Variants in EYS observed in about 807,000 individuals in gnomAD.
The protein encoded by EYS is protein eyes shut homolog.
In EYS, 250 loss-of-function variants were observed where a neutral mutation model predicts 282.1. That is an observed-to-expected ratio of 0.89 (90% confidence interval 0.80 to 0.98). The LOEUF is 0.98. Among genes scored for constraint, EYS ranks in the 50% least tolerant of loss-of-function variants. EYS has a pLI of 0.00. For missense variants in EYS, 4,016 were observed against 3,709.0 expected, an observed-to-expected ratio of 1.08 and a Z score of -2.15; for synonymous variants, 1,355 against 1,282.9, an observed-to-expected ratio of 1.06 and a Z score of -1.20.
intron 1 of EYS, among the ~76,000 whole-genome samples, chr6:65,654,978 TA>T (rs36088825): frequency 0.012 from 1,181 of 99,890 alleles, 10 homozygotes; most frequent in African/African-American, 0.033. Flanking sequence ...GGTCATTCAT[TA>T]AAAAAAAAAA....
intron 34 of EYS, among the ~76,000 whole-genome samples, chr6:63,985,064 ATTGCAGATGTAAT>A (rs1767291422): frequency 6.6e-6 from 1 of 151,786 alleles, no homozygotes; most frequent in South Asian, 2.1e-4. Flanking sequence ...AAATAGGGTC[ATTGCAGATGTAAT>A]TTATTAAGAT....
chr6:63,830,979 G>A (rs1444257006), intron 36 of EYS, among the ~76,000 whole-genome samples: 1 of 152,176 alleles, frequency 6.6e-6, no homozygotes, highest in Non-Finnish European at 1.5e-5. Flanking sequence ...CTTCATAAGT[G>A]AAGGAGAAAT....
At chr6:65,419,208 A>T (rs1350396656) in intron 5 of EYS, among the ~76,000 whole-genome samples, 1 of 152,006 alleles carries the variant, frequency 6.6e-6, no homozygotes, top group Non-Finnish European at 1.5e-5. Flanking sequence ...GCTTTAAAAA[A>T]CAAATAAAGC....
chr6:65,612,218 T>C (rs192658776), intron 2 of EYS, among the ~76,000 whole-genome samples: 68 of 150,782 alleles, frequency 4.5e-4, no homozygotes, highest in African/African-American at 1.6e-3. Flanking sequence ...ATATATATGA[T>C]ATATATGTGT....
intron 14 of EYS, among the ~76,000 whole-genome samples, chr6:64,969,918 A>G (rs1770230665): frequency 1.3e-5 from 2 of 152,152 alleles, no homozygotes; most frequent in South Asian, 4.1e-4. Context: ...ATCTCATACT[A>G]TGTAAAATTG....
chr6:65,503,873 T>G (rs566005201), intron 2 of EYS, among the ~76,000 whole-genome samples: 1 of 151,812 alleles, frequency 6.6e-6, no homozygotes, highest in East Asian at 1.9e-4. Flanking sequence ...AATGGTTAAG[T>G]GTTGAAATAA....
intron 31 of EYS, among the ~76,000 whole-genome samples, chr6:64,133,545 T>C (rs889138107): frequency 6.6e-6 from 1 of 151,846 alleles, no homozygotes; most frequent in African/African-American, 2.4e-5. Flanking sequence ...GGTTTAACTA[T>C]GTCAATAGTG....
intron 13 of EYS, among the ~76,000 whole-genome samples, chr6:65,005,010 C>T (rs1468237785): frequency 6.8e-6 from 1 of 147,910 alleles, no homozygotes; most frequent in Non-Finnish European, 1.5e-5. Flanking sequence ...CCTTTGGGTC[C>T]CCTCCCTTTG....
At chr6:63,999,494 G>A (rs889637666) in intron 33 of EYS, among the ~76,000 whole-genome samples, 1 of 152,184 alleles carries the variant, frequency 6.6e-6, no homozygotes, top group Non-Finnish European at 1.5e-5. Context: ...CAAATTTTAA[G>A]TGCTAACTGT....
At chr6:65,033,499 A>G (rs1561931947) in intron 13 of EYS, among the ~76,000 whole-genome samples, 1 of 152,088 alleles carries the variant, frequency 6.6e-6, no homozygotes, top group Non-Finnish European at 1.5e-5. Context: ...GTTGCTCCCC[A>G]TGTTCTGGCC....
At chr6:64,427,729 A>G (rs1774453827) in intron 28 of EYS, among the ~76,000 whole-genome samples, 2 of 152,126 alleles carry the variant, frequency 1.3e-5, no homozygotes, top group South Asian at 2.1e-4. Flanking sequence ...GAGAAAGCAC[A>G]TGAAAGCAAC....
intron 39 of EYS, among the ~76,000 whole-genome samples, chr6:63,786,832 T>G (rs1770374284): frequency 6.6e-6 from 1 of 152,188 alleles, no homozygotes; most frequent in Non-Finnish European, 1.5e-5. Flanking sequence ...AATCTGTGTT[T>G]TTAAGAAGTT....
At chr6:64,900,179 T>A (rs1383995100) in intron 18 of EYS, among the ~76,000 whole-genome samples, 1 of 152,220 alleles carries the variant, frequency 6.6e-6, no homozygotes. Context: ...GTTAGCCATA[T>A]GCAGAACTCT....
chr6:64,400,519 T>A (rs1773509370), intron 28 of EYS: 1 of 152,074 alleles, frequency 6.6e-6, no homozygotes, highest in Non-Finnish European at 1.5e-5. Flanking sequence ...GGTTGTTATT[T>A]TATTCAAGAG....
At chr6:64,935,949 C>T (rs553978049) in intron 15 of EYS, among the ~76,000 whole-genome samples, 5 of 151,574 alleles carry the variant, frequency 3.3e-5, no homozygotes, top group African/African-American at 4.8e-5. Context: ...TTCTATGTGG[C>T]TAATATTACC....
intron 14 of EYS, among the ~76,000 whole-genome samples, chr6:64,978,724 C>A (rs546319635): frequency 6.6e-6 from 1 of 151,896 alleles, no homozygotes; most frequent in South Asian, 2.1e-4. Flanking sequence ...TCAAAATATC[C>A]ACATTAATAA....
At chr6:64,391,503 G>C (rs569486881) in intron 28 of EYS, among the ~76,000 whole-genome samples, 103 of 151,862 alleles carry the variant, frequency 6.8e-4, no homozygotes, top group African/African-American at 2.3e-3. Context: ...TTTCAACCCA[G>C]AATTTCATAT....
At chr6:64,622,108 A>T (rs1767464495) in intron 23 of EYS, among the ~76,000 whole-genome samples, 1 of 152,198 alleles carries the variant, frequency 6.6e-6, no homozygotes, top group Admixed American at 6.5e-5. Flanking sequence ...GGACTGTCCT[A>T]AATGATGTTC....
At chr6:64,163,007 C>T (rs1775155424) in intron 31 of EYS, among the ~76,000 whole-genome samples, 2 of 152,052 alleles carry the variant, frequency 1.3e-5, no homozygotes, top group African/African-American at 4.8e-5. Context: ...GGGAAAAAGA[C>T]ATACTGTCTC....
Sources: allele counts gnomAD v4.1 joint callset (sites outside exome capture counted in the v4.1 genomes callset), GRCh38; gene constraint gnomAD v4.1.1; transcripts MANE v1.5; gene names NCBI Gene and HGNC (gene_info 2026-07-23, HGNC 2026-07-21).